Variants in C7orf25 observed in about 807,000 individuals in gnomAD.
The protein encoded by C7orf25 is chromosome 7 open reading frame 25, also known as UPF0415 protein C7orf25.
In C7orf25, 14 loss-of-function variants were observed where a neutral mutation model predicts 25.5. That is an observed-to-expected ratio of 0.55 (90% CI 0.36 to 0.86). The LOEUF is 0.86. Among genes scored for constraint, C7orf25 ranks in the 40% least tolerant of loss-of-function variants. The pLI is 0.01. For missense variants in C7orf25, 405 were observed against 493.9 expected (o/e 0.82, Z 1.71); for synonymous variants, 184 against 179.9 (o/e 1.02, Z -0.18).
chr7:42,911,902 C>T lies in C7orf25; in HGVS notation c.-22+13G>A. ...CGCTCCCAGCCTCCCCGCCTCGCTC[C>T]CCGGCTCCTCACCGGCAGCGCCAGA... On this transcript the variant is annotated intron_variant, in intron 1 of 1. Coordinates refer to ENST00000350427, the MANE Select transcript of C7orf25 (RefSeq NM_001099858.2). 2 of 1,456,784 alleles carry T rather than the reference C, an allele frequency of 1.4e-6. No individual in the cohort carries two copies. Among genetic ancestry groups the T allele is most frequent in the Non-Finnish European group, 1.8e-6 (2 of 1,111,364 alleles). 90.2% of individuals were successfully genotyped at this position (1,456,784 alleles called of 1,614,324 possible).
At position 42,910,713 on chromosome 7, in the gene C7orf25, T is replaced by C; in HGVS notation, c.188A>G (p.His63Arg). ...GTGTGTTAGGTTAGTGCTCTGTAAA[T>C]GAGACTCTTTAATAGCTACTTTCCC... is the stretch of plus-strand genomic sequence containing the variant. ...EAGKVAIKES[H>R]LQSTNLTHLR... Residue 63 changes from histidine to arginine, a missense_variant, in exon 2 of 2, where the codon CAT becomes CGT. Coordinates refer to ENST00000350427, the MANE Select transcript of C7orf25 (RefSeq NM_001099858.2). 6.2e-7 allele frequency: 1 copy of C among 1,614,156 alleles called. No individual in the cohort carries two copies. Among genetic ancestry groups the C allele is most frequent in the Non-Finnish European group, 8.5e-7 (1 of 1,180,038 alleles).
intron 1 of C7orf25, chr7:42,911,129 G>C: frequency 2.3e-6 from 2 of 879,174 alleles, no homozygotes; most frequent in Non-Finnish European, 3.6e-6. Flanking sequence ...TCTTCTTTAG[G>C]TACGTCTGAC....
At position 42,910,474 on chromosome 7, in the gene C7orf25, T is replaced by C; in HGVS notation, c.427A>G (p.Ile143Val). 6.2e-7 allele frequency: 1 copy of C among 1,614,264 alleles called. No homozygotes were observed. Among genetic ancestry groups the C allele is most frequent in the Non-Finnish European group, 8.5e-7 (1 of 1,180,052 alleles). The change falls in exon 2 of 2, where the codon ATT becomes GTT. Residue 143 changes from isoleucine (I) to valine (V), a missense_variant. Physicochemically the swap from Ile to Val is conservative, Grantham distance 29. Coordinates refer to ENST00000350427, the MANE Select transcript of C7orf25 (RefSeq NM_001099858.2). ...TGGAGGAAGTCTTCAGCCTGCTCAATGATGCTTTTGTCACCATATTGGCCC... is the reference window on the plus strand; with the variant it reads ...TGGAGGAAGTCTTCAGCCTGCTCAACGATGCTTTTGTCACCATATTGGCCC... ...GRGQYGDKSI[I>V]EQAEDFLQAS...
intron 1 of C7orf25, chr7:42,911,283 T>G: frequency 5.7e-6 from 5 of 874,658 alleles, no homozygotes; most frequent in Non-Finnish European, 7.6e-6. Context: ...TGCTGAGAAA[T>G]TTTAATAAAG....
chr7:42,909,763 C>T lies in C7orf25; in HGVS notation c.1138G>A (p.Val380Ile), dbSNP rs768501738. The change falls in exon 2 of 2, where the codon GTC becomes ATC. Residue 380 changes from valine (V) to isoleucine (I), a missense_variant. Val to Ile is a conservative substitution (Grantham distance 29). Coordinates refer to ENST00000350427, the MANE Select transcript of C7orf25 (RefSeq NM_001099858.2). Reference sequence around the variant, plus strand: ...ACACCCTGGTTGTTTGCAGCTCTGACAAAACCACTATTAGCAGTCATTGTG... The same window carrying T: ...ACACCCTGGTTGTTTGCAGCTCTGATAAAACCACTATTAGCAGTCATTGTG... ...AITMTANSGF[V>I]RAANNQGVKF... 6.2e-7 allele frequency: 1 copy of T among 1,614,218 alleles called. No individual in the cohort carries two copies. Among genetic ancestry groups the T allele is most frequent in the South Asian group, 1.1e-5 (1 of 91,088 alleles).
chr7:42,910,273 TCTCA>T lies in C7orf25; in HGVS notation c.624_627del (p.Ser208ArgfsTer14), dbSNP rs1785857680. The T allele has an allele frequency of 6.2e-7, 1 of 1,614,216 alleles. No individual in the cohort carries two copies. Among genetic ancestry groups the T allele is most frequent in the Non-Finnish European group, 8.5e-7 (1 of 1,180,044 alleles). On this transcript the variant is annotated frameshift_variant, in exon 2 of 2. Coordinates refer to ENST00000350427, the MANE Select transcript of C7orf25 (RefSeq NM_001099858.2). LOFTEE classifies it high-confidence loss of function. ...TCAGGGCCCTCATCATCTGATTCAC[TCTCA>T]CTTGGTTGAAGCTCTTCAGGGTGAT... is the stretch of plus-strand genomic sequence containing the variant.
At position 42,909,897 on chromosome 7, in the gene C7orf25, T is replaced by A. The variant is rs911322048; in HGVS notation, c.1004A>T (p.Asn335Ile). The A allele has an allele frequency of 6.2e-7, 1 of 1,614,074 alleles. No homozygotes were observed. Among genetic ancestry groups the A allele is most frequent in the South Asian group, 1.1e-5 (1 of 91,084 alleles). Residue 335 changes from asparagine to isoleucine, a missense_variant, in exon 2 of 2, where the codon AAT becomes ATT. By Grantham distance (149) the Asn-to-Ile change is moderately radical (BLOSUM62 -3). Transcript: ENST00000350427. ...ERATVLIKRI[N>I]VVPDQPSERA... ...CTCAGAAGGCTGGTCTGGTACCACA[T>A]TAATTCGCTTAATTAACACAGTGGC... is the stretch of plus-strand genomic sequence containing the variant.
In C7orf25 at chr7:42,910,491, T is replaced by A; in HGVS notation, c.410A>T (p.Tyr137Phe). Reference sequence around the variant, plus strand: ...CTGCTCAATGATGCTTTTGTCACCATATTGGCCCCTGCCCAGCCAGATGTT... The same window carrying A: ...CTGCTCAATGATGCTTTTGTCACCAAATTGGCCCCTGCCCAGCCAGATGTT... ...LHNIWLGRGQ[Y>F]GDKSIIEQAE... The change falls in exon 2 of 2, where the codon TAT (tyrosine) becomes TTT (phenylalanine). Residue 137 changes from tyrosine (Y) to phenylalanine (F), a missense_variant. By Grantham distance (22) the Tyr-to-Phe change is conservative (BLOSUM62 3). Coordinates refer to ENST00000350427, the MANE Select transcript of C7orf25 (RefSeq NM_001099858.2). The A allele has an allele frequency of 6.2e-7, 1 of 1,614,256 alleles. No individual in the cohort carries two copies. The highest frequency in any genetic ancestry group is 8.5e-7 in the Non-Finnish European group (1 of 1,180,046).
In C7orf25 at chr7:42,910,867, C is replaced by T. The variant is rs1278985739; in HGVS notation, c.34G>A (p.Ala12Thr). ...SAHSMLCERIAIAKELIKRAE... is the reference protein window; with the variant it reads ...SAHSMLCERITIAKELIKRAE... ...CTCTTGATCAGTTCCTTGGCTATGG[C>T]GATTCGTTCACAGAGCATGGAATGT... The change falls in exon 2 of 2, where the codon GCC becomes ACC. Residue 12 changes from alanine to threonine, a missense_variant. Coordinates refer to ENST00000350427, the MANE Select transcript of C7orf25 (RefSeq NM_001099858.2). 1 of 1,614,018 alleles carries T rather than the reference C, an allele frequency of 6.2e-7. No homozygotes were observed. The highest frequency in any genetic ancestry group is 1.1e-5 in the South Asian group (1 of 91,078).
chr7:42,912,054 G>C lies in C7orf25; in HGVS notation c.-161C>G. ...CACCCGCGCGAGCCCCGCCGCCTCG[G>C]GCACCTCCTGCATCACGTGGTTCCG... On this transcript the variant is annotated 5_prime_UTR_variant, in exon 1 of 2. Transcript: ENST00000350427. The C allele has an allele frequency of 6.9e-7, 1 of 1,454,276 alleles. No individual in the cohort carries two copies. The allele number at this position is 1,454,276 out of a possible 1,614,324, so 90.1% of individuals were successfully genotyped here.
Position 42,910,309 on chromosome 7 carries a change from G to A in C7orf25, c.592C>T (p.Leu198=). Residue 198 remains leucine (L), a synonymous_variant, in exon 2 of 2, where the codon CTG becomes TTG. Coordinates refer to ENST00000350427, the MANE Select transcript of C7orf25 (RefSeq NM_001099858.2). ...TGAAGCTCTTCAGGGTGATCTAACA[G>A]AGCGTTGACTGCTACTATGTCTCCT... ...VRGDIVAVNA[L]LDHPEELQPS... 1.2e-6 allele frequency: 2 copies of A among 1,614,180 alleles called. No homozygotes were observed. Among genetic ancestry groups the A allele is most frequent in the Non-Finnish European group, 8.5e-7 (1 of 1,180,042 alleles).
rs1182969787 is a variant in C7orf25, at chr7:42,911,955, G to C, written c.-62C>G. On this transcript the variant is annotated 5_prime_UTR_variant, in exon 1 of 2. Transcript: ENST00000350427. ...CGCGAGCGCGAGCACGCAGGCGCGT[G>C]CACGCAGAGGCCGGGACCCGCCGGG... is the stretch of plus-strand genomic sequence containing the variant. 4 of 1,490,492 alleles carry C rather than the reference G, an allele frequency of 2.7e-6. No homozygotes were observed. The highest frequency in any genetic ancestry group is 1.5e-5 in the African/African-American group (1 of 68,414). The allele number at this position is 1,490,492 out of a possible 1,614,324, so 92.3% of individuals were successfully genotyped here.
At chr7:42,911,013 CAGCTTATGGA>C (rs747649633) in intron 1 of C7orf25, 92 bp from the exon 2 acceptor site, 11 of 1,584,518 alleles carry the variant, frequency 6.9e-6, no homozygotes, top group Admixed American at 5.2e-5. Context: ...TCTAGCAACA[CAGCTTATGGA>C]GGGTGAGTCT....
chr7:42,910,070 T>G lies in C7orf25; in HGVS notation c.831A>C (p.Thr277=), dbSNP rs1176115877. The change falls in exon 2 of 2, where the codon ACA becomes ACC. Residue 277 remains threonine, a synonymous_variant. Coordinates refer to ENST00000350427, the MANE Select transcript of C7orf25 (RefSeq NM_001099858.2). The part of the protein sequence containing the change: ...CHFIFKEKVL[T]EQAEQERKEQ... ...CTTTCCTCTCTTGCTCTGCTTGTTC[T>G]GTGAGCACTTTCTCTTTGAAAATAA... 6.2e-7 allele frequency: 1 copy of G among 1,614,226 alleles called. No individual in the cohort carries two copies. Among genetic ancestry groups the G allele is most frequent in the South Asian group, 1.1e-5 (1 of 91,086 alleles).
rs920174299 is a variant in C7orf25 at position 42,911,733 on chromosome 7, C to G, written c.-22+182G>C. 3.9e-5 allele frequency: 47 copies of G among 1,206,576 alleles called. No individual in the cohort carries two copies. In the African/African-American group the frequency reaches 6.8e-4, roughly 18 times the overall value. The allele number at this position is 1,206,576 out of a possible 1,614,324, so 74.7% of individuals were successfully genotyped here. A position where few individuals can be genotyped will look rare whatever the true frequency, so the allele number is the denominator to read the frequency against. ...GGCCCTGCCCGGCCACCTGCACAGC[C>G]GGGCCCTGCCAGGAGGGGCCGGGGC... On this transcript the variant is annotated intron_variant, in intron 1 of 1. Transcript: ENST00000350427.
chr7:42,911,086 G>A (rs368925385), intron 1 of C7orf25, 165 bp from the exon 2 acceptor site: 1 of 1,160,070 alleles, frequency 8.6e-7, no homozygotes, highest in Non-Finnish European at 1.2e-6. Flanking sequence ...TCCTCTGATA[G>A]CTAAGGAAAG....
chr7:42,911,607 AG>A, intron 1 of C7orf25: 1 of 1,052,864 alleles, frequency 9.5e-7, no homozygotes. Flanking sequence ...CTAAACTCCA[AG>A]GCTGCAACCC....
Position 42,911,916 on chromosome 7 carries a change from G to T in C7orf25, c.-23C>A, listed in dbSNP as rs647117. On this transcript the variant is annotated splice_region_variant and 5_prime_UTR_variant, in exon 1 of 2. Transcript: ENST00000350427. The stretch of plus-strand genomic sequence containing the variant: ...CCGCCTCGCTCCCCGGCTCCTCACC[G>T]GCAGCGCCAGAACCGCGAGCGCGAG... 3.4e-6 allele frequency: 5 copies of T among 1,468,168 alleles called. No homozygotes were observed. In the South Asian group the frequency reaches 3.9e-5, roughly 11 times the overall value. 90.9% of individuals were successfully genotyped at this position (1,468,168 alleles called of 1,614,324 possible).
Position 42,910,882 on chromosome 7 carries a change from G to C in C7orf25, c.19C>G (p.Leu7Val). 6.2e-7 allele frequency: 1 copy of C among 1,613,900 alleles called. No homozygotes were observed. Among genetic ancestry groups the C allele is most frequent in the Non-Finnish European group, 8.5e-7 (1 of 1,180,018 alleles). MSAHSM[L>V]CERIAIAKEL... ...TTGGCTATGGCGATTCGTTCACAGA[G>C]CATGGAATGTGCAGACATGCTGTCA... The change falls in exon 2 of 2, where the codon CTC (leucine) becomes GTC (valine). Residue 7 changes from leucine (L) to valine (V), a missense_variant. By Grantham distance (32) the Leu-to-Val change is conservative. Transcript: ENST00000350427.
Sources: allele counts gnomAD v4.1 joint callset, GRCh38; gene constraint gnomAD v4.1.1; transcripts MANE v1.5; gene names NCBI Gene and HGNC (gene_info 2026-07-23, HGNC 2026-07-21).